The following UBE2E2 variants were observed in gnomAD, a reference collection of about 807,000 sequenced individuals.
UBE2E2 encodes the protein ubiquitin-conjugating enzyme E2 E2.
A neutral mutation model predicts 24.7 loss-of-function variants in UBE2E2; 6 were observed. The ratio of observed to expected loss-of-function variants is 0.24; its 90% confidence interval spans 0.13 to 0.48. UBE2E2 has a LOEUF of 0.48. UBE2E2 is among the 20% of genes least tolerant of loss of function. UBE2E2 has a pLI of 0.99. For missense variants in UBE2E2, 169 were observed against 245.0 expected (o/e 0.69, Z 2.07); for synonymous variants, 104 against 83.6 (o/e 1.24, Z -1.33).
At chr3:23,284,786 G>A (rs7618910) in intron 3 of UBE2E2, among the ~76,000 whole-genome samples, 111,300 of 151,234 alleles carry the variant, frequency 0.74, 41,327 homozygotes, top group African/African-American at 0.83. Flanking sequence ...CAGAGTAAAT[G>A]TGGTATCCAT....
At position 23,556,353 on chromosome 3, in the gene UBE2E2, G is replaced by A. The variant is rs540511360; in HGVS notation, c.508+23652G>A. 2.0e-5 allele frequency among the ~76,000 whole-genome samples: 3 copies of A among 148,810 alleles called. No individual in the cohort carries two copies. In the Admixed American group the frequency reaches 2.0e-4, roughly 10 times the overall value. On this transcript the variant is annotated intron_variant, in intron 5 of 5. Transcript: ENST00000396703. The stretch of plus-strand genomic sequence containing the variant: ...AGAGACGGTTTCACCATGTTGGCCA[G>A]GATGGTCTCAATCTCTTGACCTCAT...
At chr3:23,207,518 A>T (rs879364225) in intron 1 of UBE2E2, among the ~76,000 whole-genome samples, 10 of 152,026 alleles carry the variant, frequency 6.6e-5, no homozygotes, top group Non-Finnish European at 1.2e-4. Flanking sequence ...TTCAATTTTT[A>T]TTTAGAATCA....
intron 5 of UBE2E2, among the ~76,000 whole-genome samples, chr3:23,543,621 A>G (rs754059074): frequency 2.2e-4 from 33 of 152,172 alleles, no homozygotes; most frequent in Non-Finnish European, 4.1e-4. Context: ...AAGAGTCAAT[A>G]TTGTGAAAAT....
intron 3 of UBE2E2, among the ~76,000 whole-genome samples, chr3:23,268,816 C>T (rs933476190): frequency 1.1e-3 from 172 of 151,634 alleles, no homozygotes; most frequent in African/African-American, 3.4e-3. Context: ...TACAAGGCTA[C>T]AGTAACCAAA....
chr3:23,391,292 C>G (rs1246422642), intron 3 of UBE2E2, among the ~76,000 whole-genome samples: 1 of 152,176 alleles, frequency 6.6e-6, no homozygotes, highest in Admixed American at 6.5e-5. Flanking sequence ...GCTACTTAAA[C>G]TATACATTTT....
chr3:23,342,089 T>C (rs1258908900), intron 3 of UBE2E2, among the ~76,000 whole-genome samples: 2 of 152,212 alleles, frequency 1.3e-5, no homozygotes, highest in Non-Finnish European at 2.9e-5. Context: ...TTTAGGTTAG[T>C]TGGAGGAGGG....
chr3:23,402,999 C>T (rs1697268983), intron 3 of UBE2E2, among the ~76,000 whole-genome samples: 1 of 152,150 alleles, frequency 6.6e-6, no homozygotes, highest in Admixed American at 6.5e-5. Flanking sequence ...ACATGGCAGC[C>T]TCAGGGGCAG....
intron 3 of UBE2E2, among the ~76,000 whole-genome samples, chr3:23,401,992 G>C (rs1179416427): frequency 6.6e-6 from 1 of 151,754 alleles, no homozygotes; most frequent in African/African-American, 2.4e-5. Context: ...GAATAGCTGG[G>C]ATTACAGGCG....
chr3:23,434,521 A>G (rs1372139317), intron 3 of UBE2E2, among the ~76,000 whole-genome samples: 1 of 152,122 alleles, frequency 6.6e-6, no homozygotes, highest in African/African-American at 2.4e-5. Flanking sequence ...AGTTCTCACT[A>G]TATTGTGTAA....
Position 23,589,272 on chromosome 3 carries a change from T to A in UBE2E2, c.509-462T>A, listed in dbSNP as rs1376030350. ...AAATTACAAAAAAAAATTTGAAAAT[T>A]AGCCAGGTGTTGTTGCACACACCTG... is the stretch of plus-strand genomic sequence containing the variant. On this transcript the variant is annotated intron_variant, in intron 5 of 5. Coordinates refer to ENST00000396703, the MANE Select transcript of UBE2E2 (RefSeq NM_152653.4). This position sits in a 1 kb window ranked among gnomAD's most constrained non-coding sequence, Gnocchi z 4.1. Among the ~76,000 whole-genome samples the A allele has an allele frequency of 6.6e-6, 1 of 151,554 alleles. No individual in the cohort carries two copies. The highest frequency in any genetic ancestry group is 1.9e-4 in the East Asian group (1 of 5,174).
chr3:23,393,451 C>T (rs533785434), intron 3 of UBE2E2, among the ~76,000 whole-genome samples: 2 of 152,258 alleles, frequency 1.3e-5, no homozygotes, highest in East Asian at 1.9e-4. Context: ...CACCTGGGTG[C>T]TTGTTAGACT....
chr3:23,360,233 T>G (rs534552564), intron 3 of UBE2E2, among the ~76,000 whole-genome samples: 90 of 152,302 alleles, frequency 5.9e-4, no homozygotes, highest in Non-Finnish European at 1.1e-3. Context: ...TTCAGCATGT[T>G]TATGCTGTAC....
intron 3 of UBE2E2, among the ~76,000 whole-genome samples, chr3:23,428,826 G>A (rs1489573111): frequency 3.4e-5 from 5 of 147,668 alleles, no homozygotes; most frequent in African/African-American, 1.3e-4. Context: ...CCACATCACA[G>A]TTACTCAGGA....
chr3:23,459,542 A>G (rs1698762073), intron 3 of UBE2E2, among the ~76,000 whole-genome samples: 1 of 152,204 alleles, frequency 6.6e-6, no homozygotes, highest in Non-Finnish European at 1.5e-5. Context: ...GAAACATTTA[A>G]ACTATCCAGA....
chr3:23,278,390 A>G (rs897488807), intron 3 of UBE2E2, among the ~76,000 whole-genome samples: 2 of 152,130 alleles, frequency 1.3e-5, no homozygotes, highest in African/African-American at 2.4e-5. Context: ...ATTAACCCCA[A>G]CAGGTCTTCA....
chr3:23,551,318 T>C (rs1233955049), intron 5 of UBE2E2, among the ~76,000 whole-genome samples: 3 of 152,352 alleles, frequency 2.0e-5, no homozygotes, highest in Non-Finnish European at 4.4e-5. Context: ...ATTATAACTT[T>C]GGTAAGTATT....
intron 3 of UBE2E2, among the ~76,000 whole-genome samples, chr3:23,284,749 T>C (rs1698571999): frequency 1.3e-5 from 2 of 151,672 alleles, no homozygotes; most frequent in Admixed American, 6.6e-5. Flanking sequence ...GTATAAGATA[T>C]AGGTACACAA....
chr3:23,342,187 GTTT>G (rs71620774), intron 3 of UBE2E2, among the ~76,000 whole-genome samples: 1 of 141,756 alleles, frequency 7.1e-6, no homozygotes, highest in Non-Finnish European at 1.5e-5. Context: ...ATTTAGTTTA[GTTT>G]TTTTTTTTTT....
At chr3:23,464,596 A>C (rs1350958398) in intron 3 of UBE2E2, among the ~76,000 whole-genome samples, 1 of 152,202 alleles carries the variant, frequency 6.6e-6, no homozygotes, top group Non-Finnish European at 1.5e-5. Flanking sequence ...CAAAGACAAA[A>C]TAAATTAACT....
Sources: gnomAD v4.1 joint callset for allele counts (sites outside exome capture counted in the v4.1 genomes callset) on GRCh38, gnomAD v4.1.1 for gene constraint, Gnocchi (gnomAD v3.1) non-coding constraint, MANE v1.5 for transcripts, NCBI Gene and HGNC (gene_info 2026-07-23, HGNC 2026-07-21) for gene names.